The following RSPO2 variants were observed in gnomAD, a reference collection of about 807,000 sequenced individuals.
The protein encoded by RSPO2 is R-spondin-2.
RSPO2 carries 14 observed loss-of-function variants against 30.9 expected under a neutral mutation model. That is an observed-to-expected ratio of 0.45 (90% CI 0.30 to 0.71). The LOEUF (loss-of-function observed/expected upper bound fraction) is 0.71, where lower values mean the gene tolerates loss of function less well. RSPO2 is among the 30% of genes least tolerant of loss of function. RSPO2 has a pLI of 0.08. For synonymous variants in RSPO2, 107 were observed against 96.4 expected (o/e 1.11, Z -0.64); for missense variants, 264 against 301.9 (o/e 0.87, Z 0.93).
intron 2 of RSPO2, among the ~76,000 whole-genome samples, chr8:108,026,342 C>T (rs1811217222): frequency 6.6e-6 from 1 of 152,064 alleles, no homozygotes; most frequent in South Asian, 2.1e-4. Flanking sequence ...ACAATTTTTT[C>T]TTTAACTACA....
chr8:107,958,059 A>G, intron 5 of RSPO2, 21 bp downstream of exon 5: 1 of 1,576,630 alleles, frequency 6.3e-7, no homozygotes, highest in South Asian at 1.1e-5. Flanking sequence ...AGCACACAGT[A>G]GTGATTATAT....
chr8:107,993,068 TATA>T (rs10597128), intron 2 of RSPO2, among the ~76,000 whole-genome samples: 6,767 of 152,176 alleles, frequency 0.044, 267 homozygotes, highest in African/African-American at 0.1. Context: ...GTAAAAAACA[TATA>T]ATGATTTTCA....
At chr8:108,075,219 G>A (rs906167115) in intron 2 of RSPO2, among the ~76,000 whole-genome samples, 6 of 152,080 alleles carry the variant, frequency 3.9e-5, no homozygotes, top group African/African-American at 7.2e-5. Context: ...GGTGGCTCAC[G>A]CCTGTAATCC....
At chr8:107,927,492 C>T (rs533023074) in intron 5 of RSPO2, among the ~76,000 whole-genome samples, 8 of 152,110 alleles carry the variant, frequency 5.3e-5, no homozygotes, top group Non-Finnish European at 1.0e-4. Context: ...AAAGGGAATG[C>T]TTCCAGTTTT....
At chr8:108,061,261 C>A (rs1460498255) in intron 2 of RSPO2, among the ~76,000 whole-genome samples, 2 of 151,758 alleles carry the variant, frequency 1.3e-5, no homozygotes, top group Non-Finnish European at 2.9e-5. Context: ...AGAGTCAAGA[C>A]CCATCAGTGT....
chr8:107,989,272 T>G (rs779679935), intron 2 of RSPO2, 28 bp from the exon 3 acceptor site: 1 of 1,471,446 alleles, frequency 6.8e-7, no homozygotes, highest in Admixed American at 2.4e-5. Flanking sequence ...AAATTGTGTT[T>G]AATTATCAGT....
At chr8:107,963,864 T>C (rs559473699) in intron 3 of RSPO2, among the ~76,000 whole-genome samples, 47 of 152,278 alleles carry the variant, frequency 3.1e-4, no homozygotes, top group African/African-American at 1.1e-3. Flanking sequence ...TAAAACTTTT[T>C]CATATTTGAG....
At chr8:108,032,649 G>A (rs1409701262) in intron 2 of RSPO2, among the ~76,000 whole-genome samples, 6 of 151,772 alleles carry the variant, frequency 4.0e-5, no homozygotes, top group African/African-American at 1.5e-4. Flanking sequence ...CCTTTTTTAA[G>A]AGGTAGGGCC....
At chr8:108,051,224 T>C (rs528542874) in intron 2 of RSPO2, among the ~76,000 whole-genome samples, 12 of 152,268 alleles carry the variant, frequency 7.9e-5, no homozygotes, top group South Asian at 4.1e-4. Context: ...AATGTTAATA[T>C]AGGATGCTTA....
chr8:108,059,612 A>T, intron 2 of RSPO2, among the ~76,000 whole-genome samples: 1 of 148,574 alleles, frequency 6.7e-6, no homozygotes, highest in South Asian at 2.1e-4. Flanking sequence ...CAAATGTCCA[A>T]CAATGATAGA....
At chr8:107,995,307 T>A (rs1322679983) in intron 2 of RSPO2, among the ~76,000 whole-genome samples, 1 of 152,138 alleles carries the variant, frequency 6.6e-6, no homozygotes, top group Admixed American at 6.6e-5. Context: ...CCAATTCTGA[T>A]GAAAAATCAT....
chr8:108,063,078 C>CTGAATGGGCAAAAACTGGAAGCATTCCCT (rs1812529580), intron 2 of RSPO2, among the ~76,000 whole-genome samples: 2 of 151,760 alleles, frequency 1.3e-5, no homozygotes, highest in African/African-American at 4.9e-5. Context: ...CAATATCATA[C>CTGAATGGGCAAAAACTGGAAGCATTCCCT]TGAATGGGCA....
At chr8:108,008,067 C>T (rs1344705981) in intron 2 of RSPO2, among the ~76,000 whole-genome samples, 1 of 152,182 alleles carries the variant, frequency 6.6e-6, no homozygotes, top group African/African-American at 2.4e-5. Context: ...CCTGCACACA[C>T]ATACACCCAA....
chr8:107,959,605 ACT>A (rs1427117421), intron 4 of RSPO2, among the ~76,000 whole-genome samples: 2 of 152,030 alleles, frequency 1.3e-5, no homozygotes, highest in East Asian at 1.9e-4. Context: ...AATGCATAAG[ACT>A]CTATTTATAA....
intron 3 of RSPO2, among the ~76,000 whole-genome samples, chr8:107,962,909 A>C (rs969349632): frequency 1.3e-5 from 2 of 152,108 alleles, no homozygotes; most frequent in Non-Finnish European, 2.9e-5. Context: ...TTTTTGGCCA[A>C]AAAGTTATAG....
intron 2 of RSPO2, among the ~76,000 whole-genome samples, chr8:108,055,639 G>A (rs562147452): frequency 4.6e-5 from 7 of 152,240 alleles, no homozygotes; most frequent in African/African-American, 1.7e-4. Context: ...AGAAAACAAG[G>A]ACTATTTAAG....
intron 5 of RSPO2, among the ~76,000 whole-genome samples, chr8:107,923,062 G>A (rs997611724): frequency 1.3e-5 from 2 of 152,106 alleles, no homozygotes; most frequent in African/African-American, 4.8e-5. Context: ...TACAACAAAA[G>A]TAAAAATTGA....
chr8:107,921,101 CTAGAGGT>C (rs527539085), intron 5 of RSPO2, among the ~76,000 whole-genome samples: 2 of 152,002 alleles, frequency 1.3e-5, no homozygotes, highest in Non-Finnish European at 2.9e-5. Flanking sequence ...TGGACTCAAC[CTAGAGGT>C]TAAACACTGA....
chr8:107,914,479 C>T (rs972724269), intron 5 of RSPO2, among the ~76,000 whole-genome samples: 1 of 149,808 alleles, frequency 6.7e-6, no homozygotes, highest in African/African-American at 2.4e-5. Flanking sequence ...AAAAAAATAC[C>T]TTTTAACATT....
Sources: gnomAD v4.1 joint callset for allele counts (sites outside exome capture counted in the v4.1 genomes callset) on GRCh38, gnomAD v4.1.1 for gene constraint, MANE v1.5 for transcripts, NCBI Gene and HGNC (gene_info 2026-07-23, HGNC 2026-07-21) for gene names.